The following ZNF547 variants were observed in gnomAD, a reference collection of about 807,000 sequenced individuals.
ZNF547 encodes zinc finger protein 547.
ZNF547 carries 4 observed loss-of-function variants against 7.7 expected under a neutral mutation model. The observed-to-expected ratio is 0.52, with a 90% CI of 0.26 to 1.20. The LOEUF (loss-of-function observed/expected upper bound fraction) is 1.20. Among genes scored for constraint, ZNF547 ranks in the 50% most tolerant of loss-of-function variants. The probability of loss-of-function intolerance (pLI) is 0.14; values close to 1 mark genes in which losing one functional copy is unlikely to be tolerated. For synonymous variants in ZNF547, 166 were observed against 166.2 expected (o/e 1.00, Z 0.01); for missense variants, 449 against 485.8 (o/e 0.92, Z 0.71).
chr19:57,365,743 G>A (rs1393264338), intron 1 of ZNF547, among the ~76,000 whole-genome samples: 1 of 151,798 alleles, frequency 6.6e-6, no homozygotes, highest in Non-Finnish European at 1.5e-5. Context: ...TCCTGACCTC[G>A]TGATCTGCCT....
intron 1 of ZNF547, among the ~76,000 whole-genome samples, chr19:57,366,899 C>G (rs2088474342): frequency 6.6e-6 from 1 of 152,188 alleles, no homozygotes; most frequent in South Asian, 2.1e-4. Context: ...GCCAAAGAAA[C>G]ACTTGTGCAG....
chr19:57,373,150 G>T (rs1429800946), intron 3 of ZNF547, among the ~76,000 whole-genome samples: 3 of 152,204 alleles, frequency 2.0e-5, no homozygotes, highest in African/African-American at 7.2e-5. Flanking sequence ...TGCTGGGGAG[G>T]CCTCAGGAAA....
chr19:57,371,405 A>C (rs946064000), intron 2 of ZNF547, among the ~76,000 whole-genome samples: 1 of 152,214 alleles, frequency 6.6e-6, no homozygotes, highest in Non-Finnish European at 1.5e-5. Flanking sequence ...GATCAGGAGG[A>C]AAATTGGAGT....
Position 57,378,291 on chromosome 19 carries a change from G to C in ZNF547, c.*106G>C. The C allele has an allele frequency of 9.6e-7, 1 of 1,040,704 alleles. No homozygotes were observed. Among genetic ancestry groups the C allele is most frequent in the Non-Finnish European group, 1.4e-6 (1 of 703,224 alleles). The allele number at this position is 1,040,704 out of a possible 1,614,324, so 64.5% of individuals were successfully genotyped here. A position where few individuals can be genotyped will look rare whatever the true frequency, so the allele number is the denominator to read the frequency against. ...AGAAAGACTGAATGCCGTGAACGTG[G>C]GTAATTATGTAGGTACAGCTCTCCA... is the stretch of plus-strand genomic sequence containing the variant. On this transcript the variant is annotated 3_prime_UTR_variant, in exon 4 of 4. Transcript: ENST00000282282.
intron 3 of ZNF547, among the ~76,000 whole-genome samples, chr19:57,372,820 ACAAT>A (rs565527472): frequency 3.8e-4 from 58 of 152,292 alleles, no homozygotes; most frequent in African/African-American, 1.3e-3. Context: ...CTCCTCTGTC[ACAAT>A]CAGATCTCTC....
chr19:57,378,035 A>T lies in ZNF547; in HGVS notation c.1059A>T (p.Glu353Asp). The T allele has an allele frequency of 6.2e-7, 1 of 1,614,080 alleles. No homozygotes were observed. Among genetic ancestry groups the T allele is most frequent in the South Asian group, 1.1e-5 (1 of 91,078 alleles). ...QRVHTGERPY[E>D]CSECGKAFLT... ...TTCACACTGGAGAACGGCCTTATGA[A>T]TGCAGTGAGTGTGGGAAGGCCTTCC... The change falls in exon 4 of 4, where the codon GAA (glutamate) becomes GAT (aspartate). Residue 353 changes from glutamate (E) to aspartate (D), a missense_variant. By Grantham distance (45) the Glu-to-Asp change is conservative. Transcript: ENST00000282282.
chr19:57,378,689 A>T lies in ZNF547; in HGVS notation c.*504A>T. 2.6e-6 allele frequency: 1 copy of T among 380,332 alleles called. No homozygotes were observed. The highest frequency in any genetic ancestry group is 5.2e-6 in the Non-Finnish European group (1 of 194,140). 23.6% of individuals were successfully genotyped at this position (380,332 alleles called of 1,614,324 possible). On this transcript the variant is annotated 3_prime_UTR_variant, in exon 4 of 4. Coordinates refer to ENST00000282282, the MANE Select transcript of ZNF547 (RefSeq NM_173631.4). Reference sequence around the variant, plus strand: ...TGAGAACTAGTATTATATGGTTTTTAAAAAACAATGGTGAAGTACATGCCA... The same window carrying T: ...TGAGAACTAGTATTATATGGTTTTTTAAAAACAATGGTGAAGTACATGCCA...
rs1213287301 is a variant in ZNF547, at chr19:57,378,689, A to G, written c.*504A>G. 2.6e-6 allele frequency: 1 copy of G among 380,214 alleles called. No homozygotes were observed. Among genetic ancestry groups the G allele is most frequent in the African/African-American group, 2.1e-5 (1 of 46,898 alleles). 23.6% of individuals were successfully genotyped at this position (380,214 alleles called of 1,614,324 possible). ...TGAGAACTAGTATTATATGGTTTTT[A>G]AAAAACAATGGTGAAGTACATGCCA... On this transcript the variant is annotated 3_prime_UTR_variant, in exon 4 of 4. Coordinates refer to ENST00000282282, the MANE Select transcript of ZNF547 (RefSeq NM_173631.4).
chr19:57,370,729 C>T (rs4801476), intron 2 of ZNF547, among the ~76,000 whole-genome samples: 133,639 of 152,138 alleles, frequency 0.88, 58,884 homozygotes, highest in Middle Eastern at 0.95. Context: ...GATCCCCCCA[C>T]GGGAGGCCCA....
chr19:57,364,588 A>G (rs1254722495), intron 1 of ZNF547: 1 of 558,198 alleles, frequency 1.8e-6, no homozygotes, highest in Non-Finnish European at 3.2e-6. Flanking sequence ...TAAAAATACA[A>G]AAATTAGCCG....
At chr19:57,369,290 G>C (rs1239541265) in intron 2 of ZNF547, among the ~76,000 whole-genome samples, 1 of 152,140 alleles carries the variant, frequency 6.6e-6, no homozygotes, top group South Asian at 2.1e-4. Flanking sequence ...CAGCTGGGGG[G>C]GTGGGATAGA....
intron 3 of ZNF547, among the ~76,000 whole-genome samples, chr19:57,375,570 G>A (rs960449037): frequency 4.0e-5 from 6 of 150,278 alleles, no homozygotes; most frequent in African/African-American, 1.5e-4. Context: ...GCTGAGGCAG[G>A]AGAATTGCTT....
At chr19:57,365,357 G>A (rs1160220816) in intron 1 of ZNF547, 13 of 832,930 alleles carry the variant, frequency 1.6e-5, no homozygotes, top group Middle Eastern at 7.1e-4. Context: ...AATCTTTTGT[G>A]TATTCTCAGC....
At position 57,363,597 on chromosome 19, in the gene ZNF547, G is replaced by A. The variant is rs981798523; in HGVS notation, c.-119G>A. Reference sequence around the variant, plus strand: ...ACAGGCACAACTGACAGTGGCAGAAGCTCAGCTGACAAGGACTGGGGACGG... The same window carrying A: ...ACAGGCACAACTGACAGTGGCAGAAACTCAGCTGACAAGGACTGGGGACGG... On this transcript the variant is annotated 5_prime_UTR_variant, in exon 1 of 4. Coordinates refer to ENST00000282282, the MANE Select transcript of ZNF547 (RefSeq NM_173631.4). 3.9e-5 allele frequency: 6 copies of A among 153,024 alleles called. No homozygotes were observed. The highest frequency in any genetic ancestry group is 1.8e-4 in the South Asian group (1 of 5,552). The allele number at this position is 153,024 out of a possible 1,614,324, so 9.5% of individuals were successfully genotyped here. A position where few individuals can be genotyped will look rare whatever the true frequency, so the allele number is the denominator to read the frequency against.
At chr19:57,371,386 A>G (rs953550192) in intron 2 of ZNF547, among the ~76,000 whole-genome samples, 1 of 152,246 alleles carries the variant, frequency 6.6e-6, no homozygotes, top group Non-Finnish European at 1.5e-5. Flanking sequence ...ACGGTGAAAC[A>G]CCAGATTTGA....
At chr19:57,365,004 C>G (rs1156956766) in intron 1 of ZNF547, 8 of 1,612,620 alleles carry the variant, frequency 5.0e-6, no homozygotes, top group Admixed American at 3.3e-5. Flanking sequence ...GGCTGTCGAA[C>G]AACATGTACT....
intron 1 of ZNF547, 141 bp downstream of exon 1, chr19:57,363,844 G>A (rs2088441867): frequency 6.6e-6 from 1 of 152,408 alleles, no homozygotes; most frequent in Non-Finnish European, 1.5e-5. Flanking sequence ...GTATCAGCTG[G>A]TTTGATGCAG....
intron 1 of ZNF547, among the ~76,000 whole-genome samples, chr19:57,367,809 G>A (rs527675080): frequency 8.5e-5 from 13 of 152,294 alleles, no homozygotes; most frequent in Non-Finnish European, 1.6e-4. Context: ...CTAAACTAGG[G>A]CACTGCTTTT....
Position 57,378,529 on chromosome 19 carries a change from G to T in ZNF547, c.*344G>T, listed in dbSNP as rs562519149. 2.3e-6 allele frequency: 1 copy of T among 438,180 alleles called. No individual in the cohort carries two copies. The highest frequency in any genetic ancestry group is 2.0e-5 in the African/African-American group (1 of 49,658). 27.1% of individuals were successfully genotyped at this position (438,180 alleles called of 1,614,324 possible). ...CACTAGTGAAAGTCTTCTGAGTACA[G>T]CAAATGTGTGACATTATTTTGCTAC... On this transcript the variant is annotated 3_prime_UTR_variant, in exon 4 of 4. Transcript: ENST00000282282.
Sources: gnomAD v4.1 joint callset for allele counts (sites outside exome capture counted in the v4.1 genomes callset) on GRCh38, gnomAD v4.1.1 for gene constraint, MANE v1.5 for transcripts, NCBI Gene and HGNC (gene_info 2026-07-23, HGNC 2026-07-21) for gene names.